Variants in RUFY2 observed in about 807,000 individuals in gnomAD.
RUFY2 encodes the protein RUN and FYVE domain containing 2.
A neutral mutation model predicts 94.4 loss-of-function variants in RUFY2; 49 were observed. The ratio of observed to expected loss-of-function variants is 0.52; its 90% CI spans 0.41 to 0.66. RUFY2 has a LOEUF of 0.66. Among genes scored for constraint, RUFY2 ranks in the 30% least tolerant of loss-of-function variants. The probability of loss-of-function intolerance (pLI) is 0.00; values close to 1 mark genes in which losing one functional copy is unlikely to be tolerated. For missense variants in RUFY2, 541 were observed against 692.8 expected (o/e 0.78, Z 2.46); for synonymous variants, 255 against 235.7 (o/e 1.08, Z -0.75).
intron 12 of RUFY2, chr10:68,377,989 G>C: frequency 2.0e-6 from 2 of 985,298 alleles, no homozygotes; most frequent in South Asian, 9.4e-5. Context: ...CAGGTGCTGG[G>C]ATTGGACCCA....
chr10:68,351,087 A>T, intron 16 of RUFY2, among the ~76,000 whole-genome samples: 1 of 150,670 alleles, frequency 6.6e-6, no homozygotes, highest in South Asian at 2.1e-4. Context: ...GAGTTTACAT[A>T]ATGATGGTTT....
At chr10:68,350,719 G>GT (rs200638644) in intron 16 of RUFY2, among the ~76,000 whole-genome samples, 14,184 of 147,894 alleles carry the variant, frequency 0.096, 970 homozygotes, top group South Asian at 0.25. Flanking sequence ...TTTGTTTTTG[G>GT]TTTTTTTTTT....
At chr10:68,400,396 G>A (rs567268840) in intron 3 of RUFY2, among the ~76,000 whole-genome samples, 1 of 152,196 alleles carries the variant, frequency 6.6e-6, no homozygotes, top group African/African-American at 2.4e-5. Flanking sequence ...ATAAGAACTG[G>A]TCAGGCACGG....
At chr10:68,397,568 T>TA (rs539241073) in intron 3 of RUFY2, among the ~76,000 whole-genome samples, 5 of 148,918 alleles carry the variant, frequency 3.4e-5, no homozygotes, top group South Asian at 2.2e-4. Flanking sequence ...TGTCTCTATA[T>TA]AAAAAAAATA....
downstream of RUFY2, chr10:68,341,569 T>G: frequency 1.3e-6 from 2 of 1,547,936 alleles, no homozygotes; most frequent in South Asian, 2.3e-5. Context: ...TGTTACTCTT[T>G]CTTTTTTTCT....
At chr10:68,349,702 CTAATTTTTT>C (rs1171515162) in intron 16 of RUFY2, among the ~76,000 whole-genome samples, 1 of 151,892 alleles carries the variant, frequency 6.6e-6, no homozygotes, top group Non-Finnish European at 1.5e-5. Flanking sequence ...CTGCACCCAG[CTAATTTTTT>C]GTATTTTTAG....
At chr10:68,400,867 G>T (rs2050784702) in intron 3 of RUFY2, among the ~76,000 whole-genome samples, 1 of 151,934 alleles carries the variant, frequency 6.6e-6, no homozygotes, top group African/African-American at 2.4e-5. Context: ...AAAAAAATTA[G>T]CCGGGCGTGG....
At chr10:68,366,883 A>G (rs939545251) in intron 13 of RUFY2, among the ~76,000 whole-genome samples, 24 of 144,224 alleles carry the variant, frequency 1.7e-4, no homozygotes, top group Non-Finnish European at 3.5e-4. Flanking sequence ...ATATATATAT[A>G]TAAATATATA....
intron 7 of RUFY2, among the ~76,000 whole-genome samples, chr10:68,387,803 A>T (rs1310311985): frequency 2.2e-5 from 3 of 139,280 alleles, no homozygotes; most frequent in Non-Finnish European, 4.8e-5. Flanking sequence ...AGGAATTCAA[A>T]ATCAGCCTGG....
rs750405191 is a variant in RUFY2, at chr10:68,394,488, A to T, written c.399-37T>A. ...TAAAAAATAAGGACTTTAAATCACA[A>T]ATTTATTTCAAAAACTAAAATTTAA... On this transcript the variant is annotated intron_variant, in intron 4 of 17. Transcript: ENST00000602465. 6 of 1,474,442 alleles carry T rather than the reference A, an allele frequency of 4.1e-6. No individual in the cohort carries two copies. In the African/African-American group the frequency reaches 8.3e-5, roughly 20 times the overall value. 91.3% of individuals were successfully genotyped at this position (1,474,442 alleles called of 1,614,324 possible). A position where few individuals can be genotyped will look rare whatever the true frequency, so the allele number is the denominator to read the frequency against.
chr10:68,377,155 ATTT>A lies in RUFY2; in HGVS notation c.1206-186_1206-184del. The A allele has an allele frequency of 6.8e-6, 8 of 1,183,560 alleles. No individual in the cohort carries two copies. In the South Asian group the frequency reaches 1.3e-4, roughly 19 times the overall value. The allele number at this position is 1,183,560 out of a possible 1,614,324, so 73.3% of individuals were successfully genotyped here. ...CACAATGTCTAGAAGTTGTTTTGTG[ATTT>A]TTTTTTTTCAATATAACATGTAGTA... On this transcript the variant is annotated intron_variant, in intron 12 of 17. Coordinates refer to ENST00000602465, the MANE Select transcript of RUFY2 (RefSeq NM_001330103.2).
intron 7 of RUFY2, among the ~76,000 whole-genome samples, chr10:68,389,252 T>C (rs779933167): frequency 1.3e-5 from 2 of 152,196 alleles, no homozygotes; most frequent in Non-Finnish European, 2.9e-5. Flanking sequence ...CCAGTATTGC[T>C]GTAACTGATT....
chr10:68,407,078 C>A, intron 1 of RUFY2, 108 bp downstream of exon 1: 1 of 1,494,444 alleles, frequency 6.7e-7, no homozygotes, highest in Non-Finnish European at 8.9e-7. Flanking sequence ...GCCCCAGTTC[C>A]GACTGGCGGC....
At chr10:68,367,442 T>G (rs930824758) in intron 13 of RUFY2, among the ~76,000 whole-genome samples, 1 of 152,116 alleles carries the variant, frequency 6.6e-6, no homozygotes, top group Non-Finnish European at 1.5e-5. Flanking sequence ...TCTGAATGTT[T>G]TGGGGTTTTT....
chr10:68,371,422 A>C (rs569715212), intron 13 of RUFY2, among the ~76,000 whole-genome samples: 1 of 134,398 alleles, frequency 7.4e-6, no homozygotes, highest in African/African-American at 2.5e-5. Context: ...ACTCCATCTC[A>C]AAAAAAAAAA....
chr10:68,383,740 C>A, intron 10 of RUFY2, 58 bp downstream of exon 10: 1 of 1,194,810 alleles, frequency 8.4e-7, no homozygotes, highest in Non-Finnish European at 1.2e-6. Context: ...ATGGTGCTTG[C>A]TTGAGGGTAA....
intron 15 of RUFY2, among the ~76,000 whole-genome samples, chr10:68,362,186 G>A (rs2132469916): frequency 6.6e-6 from 1 of 152,096 alleles, no homozygotes; most frequent in South Asian, 2.1e-4. Context: ...AATTAGCCAG[G>A]TATGGTGGTG....
chr10:68,370,448 C>CTTTTT (rs949829713), intron 13 of RUFY2, among the ~76,000 whole-genome samples: 6 of 126,158 alleles, frequency 4.8e-5, no homozygotes, highest in Non-Finnish European at 6.7e-5. Context: ...TTTCTTTTTT[C>CTTTTT]TTTTTTTTTT....
At chr10:68,403,607 T>C (rs1023958415) in intron 2 of RUFY2, among the ~76,000 whole-genome samples, 2 of 152,182 alleles carry the variant, frequency 1.3e-5, no homozygotes, top group African/African-American at 4.8e-5. Flanking sequence ...TTCTCTGTTG[T>C]TTATGTACAA....
Sources: allele counts gnomAD v4.1 joint callset (sites outside exome capture counted in the v4.1 genomes callset), GRCh38; gene constraint gnomAD v4.1.1; transcripts MANE v1.5; gene names NCBI Gene and HGNC (gene_info 2026-07-23, HGNC 2026-07-21).